ZC3H12B: variants seen among roughly 807,000 people sequenced by gnomAD.
ZC3H12B encodes zinc finger CCCH-type containing 12B, also known as probable ribonuclease ZC3H12B.
In ZC3H12B, 7 loss-of-function variants were observed where a neutral mutation model predicts 43.9. The observed-to-expected ratio is 0.16, with a 90% CI of 0.09 to 0.30. ZC3H12B has a LOEUF of 0.30. Ranked by LOEUF, ZC3H12B falls within the 10% of genes least tolerant of loss-of-function variation. The pLI is 1.00. For missense variants in ZC3H12B, 475 were observed against 670.2 expected, an observed-to-expected ratio of 0.71 and a Z score of 3.22; for synonymous variants, 222 against 241.7, an observed-to-expected ratio of 0.92 and a Z score of 0.76.
chrX:65,104,324 A>G, the ZC3H12B span, among the ~76,000 whole-genome samples: 2 of 112,149 alleles, frequency 1.8e-5, no homozygotes, highest in Non-Finnish European at 3.8e-5. Context: ...AAGAAAATCT[A>G]GGCAATACCA....
chrX:65,357,740 A>G, the ZC3H12B span, among the ~76,000 whole-genome samples: 1 of 112,039 alleles, frequency 8.9e-6, no homozygotes. Flanking sequence ...GCAAAAACAC[A>G]TCAAATTGTA....
At chrX:65,163,013 G>T in the ZC3H12B span, among the ~76,000 whole-genome samples, 1 of 112,071 alleles carries the variant, frequency 8.9e-6, no homozygotes, top group East Asian at 2.8e-4. Flanking sequence ...CAGGTCTGTT[G>T]GAGTTTGCTG....
the ZC3H12B span, among the ~76,000 whole-genome samples, chrX:65,122,407 C>A: frequency 6.3e-5 from 7 of 111,127 alleles, no homozygotes; most frequent in Non-Finnish European, 1.3e-4. Context: ...AAAGGAACAA[C>A]CAGTACCAGC....
intron 3 of ZC3H12B, among the ~76,000 whole-genome samples, chrX:65,474,416 T>C (rs1299471594): frequency 2.7e-5 from 3 of 111,210 alleles, no homozygotes; most frequent in Non-Finnish European, 5.6e-5. Context: ...TTAAAATCTA[T>C]TCATTAGCAA....
At chrX:65,286,124 A>T in the ZC3H12B span, among the ~76,000 whole-genome samples, 3 of 111,892 alleles carry the variant, frequency 2.7e-5, no homozygotes, top group African/African-American at 9.7e-5. Flanking sequence ...TATGTTAAAC[A>T]TATGAATATT....
At chrX:65,215,148 C>A in the ZC3H12B span, among the ~76,000 whole-genome samples, 1 of 112,019 alleles carries the variant, frequency 8.9e-6, no homozygotes, top group Non-Finnish European at 1.9e-5. Flanking sequence ...GTAAATTTGG[C>A]ATAATTCTTA....
At chrX:65,187,071 C>T in the ZC3H12B span, 8 of 111,831 alleles carry the variant, frequency 7.2e-5, no homozygotes, top group Non-Finnish European at 1.5e-4. Flanking sequence ...CTGGATCAAA[C>T]GGTCAATCTT....
the ZC3H12B span, among the ~76,000 whole-genome samples, chrX:65,057,197 G>T: frequency 8.9e-6 from 1 of 111,843 alleles, no homozygotes; most frequent in Non-Finnish European, 1.9e-5. Context: ...TTTACAATTT[G>T]GCATGTTTTT....
At chrX:65,339,000 C>G in the ZC3H12B span, among the ~76,000 whole-genome samples, 1 of 112,065 alleles carries the variant, frequency 8.9e-6, no homozygotes, top group Non-Finnish European at 1.9e-5. Context: ...ACTGAAAGTC[C>G]TAGCCAGAGC....
At chrX:65,456,030 A>G (rs769909080) in intron 3 of ZC3H12B, among the ~76,000 whole-genome samples, 1 of 112,162 alleles carries the variant, frequency 8.9e-6, no homozygotes, top group Non-Finnish European at 1.9e-5. Flanking sequence ...AACATACCAA[A>G]TTGTAAAGAC....
At chrX:65,168,312 G>C in the ZC3H12B span, among the ~76,000 whole-genome samples, 1 of 111,259 alleles carries the variant, frequency 9.0e-6, no homozygotes, top group Non-Finnish European at 1.9e-5. Context: ...TTTTATCTTT[G>C]GTTCGGTTTA....
At chrX:65,070,348 T>C in the ZC3H12B span, among the ~76,000 whole-genome samples, 2 of 110,938 alleles carry the variant, frequency 1.8e-5, no homozygotes, top group Admixed American at 1.9e-4. Context: ...TCTTTCTTAA[T>C]GTAGCTACTG....
Position 65,477,393 on chromosome X carries a change from A to G in ZC3H12B, n.408-11253A>G, listed in dbSNP as rs753527655. On this transcript the variant is annotated intron_variant and non_coding_transcript_variant, in intron 3 of 5. Transcript: ENST00000617377. ...CACACACGTGCACACACACACACAC[A>G]CACAACAGGAGTTGTGTGAAGAAGA... Among the ~76,000 whole-genome samples the G allele has an allele frequency of 6.3e-5, 7 of 111,366 alleles. No individual in the cohort carries two copies. The East Asian group carries it at 2.0e-3, about 31-fold the overall frequency.
the ZC3H12B span, among the ~76,000 whole-genome samples, chrX:65,142,183 G>C: frequency 8.9e-6 from 1 of 111,920 alleles, no homozygotes; most frequent in Non-Finnish European, 1.9e-5. Flanking sequence ...ACTATTTTTT[G>C]ATTATAGCCA....
At chrX:65,151,642 A>C in the ZC3H12B span, among the ~76,000 whole-genome samples, 5 of 111,502 alleles carry the variant, frequency 4.5e-5, no homozygotes, top group African/African-American at 1.6e-4. Context: ...TTCAATTTTC[A>C]ACAGTGAATA....
chrX:65,330,332 C>G, the ZC3H12B span, among the ~76,000 whole-genome samples: 1 of 111,701 alleles, frequency 9.0e-6, no homozygotes, highest in Admixed American at 9.5e-5. Context: ...TCTAGATATA[C>G]AATCATGTCA....
chrX:65,192,651 G>A, the ZC3H12B span, among the ~76,000 whole-genome samples: 2 of 111,233 alleles, frequency 1.8e-5, no homozygotes, highest in South Asian at 3.8e-4. Context: ...GATTACATTG[G>A]CTGACTTGCA....
the ZC3H12B span, among the ~76,000 whole-genome samples, chrX:65,121,046 T>G: frequency 3.6e-5 from 4 of 110,964 alleles, no homozygotes; most frequent in African/African-American, 9.8e-5. Context: ...GCAGGATTCT[T>G]TTTGCCAGTA....
intron 3 of ZC3H12B, among the ~76,000 whole-genome samples, chrX:65,473,162 T>A (rs1481002138): frequency 9.4e-6 from 1 of 106,580 alleles, no homozygotes; most frequent in Non-Finnish European, 1.9e-5. Flanking sequence ...TACAGGTACA[T>A]GCCACCACAC....
Sources: allele counts gnomAD v4.1 joint callset (sites outside exome capture counted in the v4.1 genomes callset), GRCh38; gene constraint gnomAD v4.1.1; transcripts MANE v1.5; gene names NCBI Gene and HGNC (gene_info 2026-07-23, HGNC 2026-07-21).